BAZ2B: variants seen among roughly 807,000 people sequenced by gnomAD.
BAZ2B encodes the protein bromodomain adjacent to zinc finger domain 2B, also known as bromodomain adjacent to zinc finger domain protein 2B.
Under a neutral mutation model 246.0 loss-of-function variants are expected in BAZ2B, and 91 were observed. That is an observed-to-expected ratio of 0.37 (90% CI 0.31 to 0.44). BAZ2B has a LOEUF of 0.44. Ranked by LOEUF, BAZ2B falls within the 20% of genes least tolerant of loss-of-function variation. The pLI is 1.00. For missense variants in BAZ2B, 2,332 were observed against 2,533.7 expected (o/e 0.92, Z 1.71); for synonymous variants, 855 against 860.0 (o/e 0.99, Z 0.10).
chr2:159,708,841 C>G, the BAZ2B span, among the ~76,000 whole-genome samples: 14 of 152,184 alleles, frequency 9.2e-5, no homozygotes, highest in African/African-American at 3.1e-4. Context: ...GGATTATAGG[C>G]TTGAGCAACT....
intron 3 of BAZ2B, among the ~76,000 whole-genome samples, chr2:159,455,494 G>C (rs890627898): frequency 4.6e-5 from 7 of 152,046 alleles, no homozygotes; most frequent in Non-Finnish European, 8.8e-5. Flanking sequence ...GCAGTAACTA[G>C]ATCTCACAGG....
chr2:159,394,110 G>C (rs2063685003), intron 20 of BAZ2B, among the ~76,000 whole-genome samples: 1 of 151,562 alleles, frequency 6.6e-6, no homozygotes, highest in South Asian at 2.1e-4. Flanking sequence ...GCAAGCCCTG[G>C]TTCTTTTTAT....
At chr2:159,576,654 C>T (rs1290815070) in intron 1 of BAZ2B, among the ~76,000 whole-genome samples, 1 of 151,890 alleles carries the variant, frequency 6.6e-6, no homozygotes, top group South Asian at 2.1e-4. Context: ...TGGCTCACAC[C>T]TGTAATCCCA....
At chr2:159,412,593 C>G in intron 13 of BAZ2B, 48 bp from the exon 14 acceptor site, 1 of 1,507,354 alleles carries the variant, frequency 6.6e-7, no homozygotes, top group African/African-American at 1.4e-5. Context: ...ACAAAATAAA[C>G]ACAAGAGATC....
chr2:159,502,455 T>C (rs2081945671), intron 2 of BAZ2B, among the ~76,000 whole-genome samples: 1 of 135,834 alleles, frequency 7.4e-6, no homozygotes, highest in African/African-American at 2.7e-5. Flanking sequence ...CAAGACTCCG[T>C]CTCTCAAAAA....
At position 159,533,259 on chromosome 2, in the gene BAZ2B, A is replaced by T. The variant is rs148450948; in HGVS notation, c.-3+22564T>A. ...GAAACCATTAACAGTAATAGGCCTG[A>T]TACATAATCCTTTTTCTAAAACAAT... On this transcript the variant is annotated intron_variant, in intron 2 of 36. Transcript: ENST00000392783. Among the ~76,000 whole-genome samples, 712 of 152,314 alleles carry T rather than the reference A, an allele frequency of 4.7e-3. 5 individuals are homozygous for T. The highest frequency in any genetic ancestry group is 0.016 in the African/African-American group (677 of 41,586).
chr2:159,369,275 G>T (rs1317572441), intron 27 of BAZ2B, among the ~76,000 whole-genome samples: 2 of 152,102 alleles, frequency 1.3e-5, no homozygotes, highest in Admixed American at 1.3e-4. Context: ...TGCAAGGGGA[G>T]GAATACACAT....
the BAZ2B span, among the ~76,000 whole-genome samples, chr2:159,695,695 T>C: frequency 6.6e-6 from 1 of 152,162 alleles, no homozygotes; most frequent in South Asian, 2.1e-4. Flanking sequence ...ACCATAAATA[T>C]AAGGGTCTAG....
chr2:159,405,155 G>C, intron 14 of BAZ2B, 41 bp from the exon 15 acceptor site: 1 of 1,531,262 alleles, frequency 6.5e-7, no homozygotes, highest in Non-Finnish European at 9.0e-7. Flanking sequence ...ACAACTTTGT[G>C]TAACTACTAA....
At chr2:159,373,267 T>A in intron 26 of BAZ2B, 78 bp from the exon 27 acceptor site, 1 of 1,306,886 alleles carries the variant, frequency 7.7e-7, no homozygotes, top group East Asian at 2.7e-5. Context: ...AACTTTATAC[T>A]TATTGTACCT....
intron 2 of BAZ2B, among the ~76,000 whole-genome samples, chr2:159,553,255 C>A (rs573222653): frequency 6.6e-6 from 1 of 151,754 alleles, no homozygotes; most frequent in African/African-American, 2.4e-5. Flanking sequence ...ATTAGCTGGG[C>A]CTGGTGGCAC....
the BAZ2B span, among the ~76,000 whole-genome samples, chr2:159,690,852 T>C: frequency 1.4e-5 from 2 of 145,418 alleles, no homozygotes; most frequent in Non-Finnish European, 3.0e-5. Flanking sequence ...TTATTTCTTC[T>C]GTTCTGTTGT....
At chr2:159,403,314 C>T (rs2065389773) in intron 16 of BAZ2B, among the ~76,000 whole-genome samples, 2 of 151,996 alleles carry the variant, frequency 1.3e-5, no homozygotes, top group Admixed American at 6.6e-5. Flanking sequence ...ATATTAAGAC[C>T]AGTTCATTTG....
chr2:159,386,356 G>A lies in BAZ2B; in HGVS notation c.3468C>T (p.Tyr1156=). ...AVCDPGLITG[Y]KAKTALGEHL... ...TTTATATTTTGTTTTTTTTTACCTT[G>A]TATCCTGTTATTAGACCTGGATCAC... Residue 1156 remains tyrosine, a synonymous_variant, in exon 22 of 37, where the codon TAC becomes TAT. Coordinates refer to ENST00000392783, the MANE Select transcript of BAZ2B (RefSeq NM_013450.4). 1.2e-6 allele frequency: 2 copies of A among 1,602,776 alleles called. No homozygotes were observed. Among genetic ancestry groups the A allele is most frequent in the Non-Finnish European group, 8.5e-7 (1 of 1,175,956 alleles).
At chr2:159,590,620 T>C (rs1259330500) in intron 1 of BAZ2B, among the ~76,000 whole-genome samples, 1 of 151,866 alleles carries the variant, frequency 6.6e-6, no homozygotes. Flanking sequence ...AATAGATAGA[T>C]AGATAGCTTG....
intron 2 of BAZ2B, among the ~76,000 whole-genome samples, chr2:159,532,945 A>C (rs1356588395): frequency 6.6e-6 from 1 of 152,206 alleles, no homozygotes; most frequent in Non-Finnish European, 1.5e-5. Flanking sequence ...TACCATAAAC[A>C]AAGGTGCGAA....
chr2:159,369,679 G>A (rs989240678), intron 27 of BAZ2B, among the ~76,000 whole-genome samples: 6 of 152,032 alleles, frequency 3.9e-5, no homozygotes, highest in African/African-American at 1.4e-4. Flanking sequence ...AACTGGTCTG[G>A]GGTAGGGCTC....
At chr2:159,369,920 C>A (rs2060636108) in intron 27 of BAZ2B, among the ~76,000 whole-genome samples, 1 of 151,986 alleles carries the variant, frequency 6.6e-6, no homozygotes, top group African/African-American at 2.4e-5. Flanking sequence ...TATTTCAACC[C>A]AAATGTCCAA....
chr2:159,686,700 G>A, the BAZ2B span, among the ~76,000 whole-genome samples: 1 of 152,036 alleles, frequency 6.6e-6, no homozygotes, highest in South Asian at 2.1e-4. Context: ...AATAGTCTGG[G>A]GTTTAGATAA....
Sources: gnomAD v4.1 joint callset for allele counts (sites outside exome capture counted in the v4.1 genomes callset) on GRCh38, gnomAD v4.1.1 for gene constraint, MANE v1.5 for transcripts, NCBI Gene and HGNC (gene_info 2026-07-23, HGNC 2026-07-21) for gene names.